The following ADAMTSL1 variants were observed in gnomAD, a reference collection of about 807,000 sequenced individuals.
The protein encoded by ADAMTSL1 is ADAMTS like 1, also known as ADAMTS-like protein 1.
A neutral mutation model predicts 201.8 loss-of-function variants in ADAMTSL1; 126 were observed. That is an observed-to-expected ratio of 0.62 (90% confidence interval 0.54 to 0.72). The LOEUF (loss-of-function observed/expected upper bound fraction) is 0.72, where lower values mean the gene tolerates loss of function less well. Ranked by LOEUF, ADAMTSL1 falls within the 30% of genes least tolerant of loss-of-function variation. The probability of loss-of-function intolerance (pLI) is 0.00; values close to 1 mark genes in which losing one functional copy is unlikely to be tolerated. For missense variants in ADAMTSL1, 2,679 were observed against 2,277.8 expected (o/e 1.18, Z -3.59); for synonymous variants, 1,121 against 903.4 (o/e 1.24, Z -4.32).
intron 1 of ADAMTSL1, among the ~76,000 whole-genome samples, chr9:17,968,743 T>C (rs1437559853): frequency 6.6e-6 from 1 of 152,160 alleles, no homozygotes; most frequent in Non-Finnish European, 1.5e-5. Flanking sequence ...TTAAAACCAG[T>C]ATCTATGCAT....
intron 23 of ADAMTSL1, among the ~76,000 whole-genome samples, chr9:18,868,928 C>T (rs1827714546): frequency 6.6e-6 from 1 of 152,152 alleles, no homozygotes; most frequent in African/African-American, 2.4e-5. Flanking sequence ...ATCCTAATCT[C>T]CAGTACCTGT....
chr9:18,706,152 G>T (rs1268935812), intron 13 of ADAMTSL1, among the ~76,000 whole-genome samples: 1 of 152,172 alleles, frequency 6.6e-6, no homozygotes, highest in Non-Finnish European at 1.5e-5. Flanking sequence ...TTCCAGGAAA[G>T]GAATGGAGAA....
intron 2 of ADAMTSL1, among the ~76,000 whole-genome samples, chr9:18,430,145 C>G (rs115576568): frequency 0.035 from 5,293 of 152,076 alleles, 274 homozygotes; most frequent in African/African-American, 0.11. Context: ...ACAAAAACCA[C>G]CTGGGGATAC....
intron 1 of ADAMTSL1, among the ~76,000 whole-genome samples, chr9:18,492,609 A>G (rs1044839173): frequency 3.9e-5 from 6 of 152,208 alleles, no homozygotes; most frequent in African/African-American, 1.4e-4. Flanking sequence ...ACGTTTTTTC[A>G]TGTATTAGCA....
chr9:18,561,848 T>G (rs1309600730), intron 3 of ADAMTSL1, among the ~76,000 whole-genome samples: 1 of 152,172 alleles, frequency 6.6e-6, no homozygotes, highest in Non-Finnish European at 1.5e-5. Context: ...ATTGTACCCC[T>G]GCTTTTTTTG....
At chr9:18,887,549 G>T (rs1052185302) in intron 23 of ADAMTSL1, among the ~76,000 whole-genome samples, 3 of 152,084 alleles carry the variant, frequency 2.0e-5, no homozygotes, top group Non-Finnish European at 2.9e-5. Flanking sequence ...AAGATTAATT[G>T]TATCTTTTTT....
At chr9:18,799,320 A>G (rs1405141900) in intron 20 of ADAMTSL1, among the ~76,000 whole-genome samples, 2 of 152,222 alleles carry the variant, frequency 1.3e-5, no homozygotes, top group Non-Finnish European at 2.9e-5. Context: ...GTGTGCAGAC[A>G]TAAGCACAGA....
At chr9:18,662,204 T>A (rs776143369) in intron 9 of ADAMTSL1, 131 bp downstream of exon 9, 82 of 1,211,306 alleles carry the variant, frequency 6.8e-5, no homozygotes, top group Non-Finnish European at 9.2e-5. Context: ...TGTCCAGTGT[T>A]CATTACTAAT....
intron 7 of ADAMTSL1, among the ~76,000 whole-genome samples, chr9:18,645,723 G>A (rs866001096): frequency 0.016 from 2,418 of 147,506 alleles, 86 homozygotes; most frequent in African/African-American, 0.056. Flanking sequence ...ATTTCTGAGG[G>A]CTCTGTTCTG....
intron 2 of ADAMTSL1, among the ~76,000 whole-genome samples, chr9:18,433,605 A>C (rs186492647): frequency 1.8e-4 from 28 of 152,264 alleles, no homozygotes; most frequent in Middle Eastern, 6.8e-3. Context: ...CTACTCAGAA[A>C]GGTCGAATTC....
At chr9:17,949,846 T>A (rs1334258169) in intron 1 of ADAMTSL1, among the ~76,000 whole-genome samples, 1 of 152,164 alleles carries the variant, frequency 6.6e-6, no homozygotes, top group African/African-American at 2.4e-5. Context: ...CTTGTAAATG[T>A]AGAACCACTC....
intron 1 of ADAMTSL1, among the ~76,000 whole-genome samples, chr9:17,973,129 A>G (rs1818284487): frequency 6.7e-6 from 1 of 149,008 alleles, no homozygotes. Flanking sequence ...GTTCACTCTG[A>G]TGGTATTTTC....
At chr9:18,414,562 G>A (rs1818590864) in intron 2 of ADAMTSL1, among the ~76,000 whole-genome samples, 1 of 152,166 alleles carries the variant, frequency 6.6e-6, no homozygotes, top group Admixed American at 6.5e-5. Flanking sequence ...TCTCAATTAT[G>A]ATGAACAAAT....
intron 1 of ADAMTSL1, among the ~76,000 whole-genome samples, chr9:17,956,746 G>A (rs1003304316): frequency 6.6e-6 from 1 of 152,144 alleles, no homozygotes; most frequent in Non-Finnish European, 1.5e-5. Context: ...TGGTAGAATG[G>A]CAAAGAATTT....
At chr9:17,975,530 C>T (rs553767099) in intron 1 of ADAMTSL1, among the ~76,000 whole-genome samples, 3 of 152,142 alleles carry the variant, frequency 2.0e-5, no homozygotes, top group Non-Finnish European at 4.4e-5. Context: ...CCAAAGGCCC[C>T]ACCTCTTCAT....
chr9:18,182,931 C>G (rs1044348597), intron 2 of ADAMTSL1, among the ~76,000 whole-genome samples: 3 of 152,134 alleles, frequency 2.0e-5, no homozygotes, highest in Non-Finnish European at 4.4e-5. Flanking sequence ...GAAACTGAAG[C>G]TGAACCAGCT....
intron 1 of ADAMTSL1, among the ~76,000 whole-genome samples, chr9:18,011,157 T>G (rs1820036074): frequency 6.6e-6 from 1 of 152,028 alleles, no homozygotes. Context: ...AGCCTAGAAC[T>G]AATTTTGGAT....
intron 2 of ADAMTSL1, among the ~76,000 whole-genome samples, chr9:18,206,091 C>G (rs1025208289): frequency 6.6e-5 from 9 of 136,498 alleles, no homozygotes; most frequent in Non-Finnish European, 1.1e-4. Flanking sequence ...AAAAAGCAGC[C>G]AAGAACCTAA....
chr9:18,088,670 C>G (rs1823871337), intron 1 of ADAMTSL1, among the ~76,000 whole-genome samples: 1 of 152,128 alleles, frequency 6.6e-6, no homozygotes, highest in Admixed American at 6.5e-5. Flanking sequence ...ATGAACACTA[C>G]AATCCACAAT....
Sources: gnomAD v4.1 joint callset for allele counts (sites outside exome capture counted in the v4.1 genomes callset) on GRCh38, gnomAD v4.1.1 for gene constraint, MANE v1.5 for transcripts, NCBI Gene and HGNC (gene_info 2026-07-23, HGNC 2026-07-21) for gene names.